Variants in CIRBP observed in about 807,000 individuals in gnomAD.
CIRBP encodes the protein cold inducible RNA binding protein, also known as cold-inducible RNA-binding protein.
In CIRBP, 11 loss-of-function variants were observed where a neutral mutation model predicts 22.3. The observed-to-expected ratio is 0.49, with a 90% CI of 0.31 to 0.82. The LOEUF (loss-of-function observed/expected upper bound fraction) is 0.82, where lower values mean the gene tolerates loss of function less well. Among genes scored for constraint, CIRBP ranks in the 40% least tolerant of loss-of-function variants. The pLI is 0.05. For missense variants in CIRBP, 456 were observed against 402.7 expected, an observed-to-expected ratio of 1.13 and a Z score of -1.13; for synonymous variants, 216 against 158.8, an observed-to-expected ratio of 1.36 and a Z score of -2.71.
chr19:1,271,159 G>A lies in CIRBP; in HGVS notation c.123G>A (p.Arg41=). The change falls in exon 3 of 6, where the codon AGG becomes AGA. Residue 41 remains arginine, a synonymous_variant. Transcript: ENST00000587896. ...GCACAGTGGTGGTTGTGAAAGACAGGGAGACCCAGAGATCTCGGGGATTTG... is the reference window on the plus strand; with the variant it reads ...GCACAGTGGTGGTTGTGAAAGACAGAGAGACCCAGAGATCTCGGGGATTTG... ...QISEVVVVKD[R]ETQRSRGFGF... The A allele has an allele frequency of 6.2e-7, 1 of 1,614,032 alleles. No individual in the cohort carries two copies. The highest frequency in any genetic ancestry group is 8.5e-7 in the Non-Finnish European group (1 of 1,179,992).
At chr19:1,269,739 G>A (rs2081302425) in intron 1 of CIRBP, 1 of 383,790 alleles carries the variant, frequency 2.6e-6, no homozygotes, top group African/African-American at 2.1e-5. Flanking sequence ...CGCGGCGGGG[G>A]CGGGGCCACG....
chr19:1,273,657 C>CT lies in CIRBP; in HGVS notation c.*1215dup, dbSNP rs2081378124. The CT allele has an allele frequency of 1.3e-5, 2 of 152,382 alleles. No homozygotes were observed. Among genetic ancestry groups the CT allele is most frequent in the South Asian group, 2.1e-4 (1 of 4,832 alleles). The allele number at this position is 152,382 out of a possible 1,614,324, so 9.4% of individuals were successfully genotyped here. A position where few individuals can be genotyped will look rare whatever the true frequency, so the allele number is the denominator to read the frequency against. Reference sequence around the variant, plus strand: ...AGTGTTGTGCGCCCAACAGAACCCTCTGAGACGCAAGCTGCTCCCTTGGCT... The same window carrying CT: ...AGTGTTGTGCGCCCAACAGAACCCTCTTGAGACGCAAGCTGCTCCCTTGGCT... On this transcript the variant is annotated 3_prime_UTR_variant, in exon 6 of 6. Coordinates refer to ENST00000587896, the MANE Select transcript of CIRBP (RefSeq NM_001300829.2).
chr19:1,272,312 G>A lies in CIRBP; in HGVS notation c.763G>A (p.Gly255Ser), dbSNP rs1484756365. The change falls in exon 6 of 6, where the codon GGC (glycine) becomes AGC (serine). Residue 255 changes from glycine (G) to serine (S), a missense_variant. Transcript: ENST00000587896. ...GTGTGGCCGCAGGCCAGCCTCCCTCGGCTGTGGGGGGTGGTTGCTCCCCGG... is the reference window on the plus strand; with the variant it reads ...GTGTGGCCGCAGGCCAGCCTCCCTCAGCTGTGGGGGGTGGTTGCTCCCCGG... ...CMCGRRPASL[G>S]CGGWLLPGRR... is the part of the protein sequence containing the mutation. The A allele has an allele frequency of 1.2e-5, 20 of 1,613,714 alleles. No individual in the cohort carries two copies. Among genetic ancestry groups the A allele is most frequent in the East Asian group, 2.2e-5 (1 of 44,886 alleles).
rs980451217 is a variant in CIRBP, at chr19:1,274,119, A to G, written c.*1676A>G. ...CCACATAGCTCCATCCCATACGGGTAGCTGGCTCCAGCTGCGCCAAGGTGC... is the reference window on the plus strand; with the variant it reads ...CCACATAGCTCCATCCCATACGGGTGGCTGGCTCCAGCTGCGCCAAGGTGC... On this transcript the variant is annotated 3_prime_UTR_variant, in exon 6 of 6. Transcript: ENST00000587896. 3 of 390,198 alleles carry G rather than the reference A, an allele frequency of 7.7e-6. No individual in the cohort carries two copies. Among genetic ancestry groups the G allele is most frequent in the East Asian group, 3.6e-5 (1 of 27,572 alleles). 24.2% of individuals were successfully genotyped at this position (390,198 alleles called of 1,614,324 possible).
chr19:1,273,115 T>A lies in CIRBP; in HGVS notation c.*672T>A, dbSNP rs1266534384. 1 of 152,242 alleles carries A rather than the reference T, an allele frequency of 6.6e-6. No individual in the cohort carries two copies. The highest frequency in any genetic ancestry group is 1.5e-5 in the Non-Finnish European group (1 of 68,050). The allele number at this position is 152,242 out of a possible 1,614,324, so 9.4% of individuals were successfully genotyped here. ...GTTGTATTTGCAGTGGCTGAGGAATTCTTGTACGCAGTTTTCTTTGGCTTT... is the reference window on the plus strand; with the variant it reads ...GTTGTATTTGCAGTGGCTGAGGAATACTTGTACGCAGTTTTCTTTGGCTTT... On this transcript the variant is annotated 3_prime_UTR_variant, in exon 6 of 6. Coordinates refer to ENST00000587896, the MANE Select transcript of CIRBP (RefSeq NM_001300829.2).
Position 1,271,165 on chromosome 19 carries a change from C to T in CIRBP, c.129C>T (p.Thr43=). The T allele has an allele frequency of 6.2e-7, 1 of 1,614,042 alleles. No homozygotes were observed. Among genetic ancestry groups the T allele is most frequent in the Non-Finnish European group, 8.5e-7 (1 of 1,180,008 alleles). The change falls in exon 3 of 6, where the codon ACC becomes ACT. Residue 43 remains threonine, a synonymous_variant. Coordinates refer to ENST00000587896, the MANE Select transcript of CIRBP (RefSeq NM_001300829.2). ...SEVVVVKDRE[T]QRSRGFGFVT... ...TGGTGGTTGTGAAAGACAGGGAGACCCAGAGATCTCGGGGATTTGGGTTTG... is the reference window on the plus strand; with the variant it reads ...TGGTGGTTGTGAAAGACAGGGAGACTCAGAGATCTCGGGGATTTGGGTTTG...
At chr19:1,271,719 T>G in intron 5 of CIRBP, 87 bp downstream of exon 5, 2 of 889,800 alleles carry the variant, frequency 2.2e-6, no homozygotes, top group Non-Finnish European at 3.5e-6. Flanking sequence ...GGAGCTGAGA[T>G]GAGACTGGCT....
Position 1,272,275 on chromosome 19 carries a change from A to T in CIRBP, c.726A>T (p.Ser242=). 1 of 1,612,596 alleles carries T rather than the reference A, an allele frequency of 6.2e-7. No individual in the cohort carries two copies. Among genetic ancestry groups the T allele is most frequent in the South Asian group, 1.1e-5 (1 of 91,062 alleles). Residue 242 remains serine (S), a synonymous_variant, in exon 6 of 6, where the codon TCA becomes TCT. Coordinates refer to ENST00000587896, the MANE Select transcript of CIRBP (RefSeq NM_001300829.2). ...GAGAGCGAGGGCCCGCTGGGCAGTC[A>T]GCTAGGTGCATGTGTGGCCGCAGGC... ...GKGERGPAGQ[S]ARCMCGRRPA...
intron 4 of CIRBP, 24 bp from the exon 5 acceptor site, chr19:1,271,527 A>G: frequency 6.3e-7 from 1 of 1,597,116 alleles, no homozygotes; most frequent in Admixed American, 1.7e-5. Flanking sequence ...GGGAGCTGGT[A>G]CTCACTTTTT....
At position 1,272,226 on chromosome 19, in the gene CIRBP, A is replaced by G. The variant is rs964698015; in HGVS notation, c.677A>G (p.Asn226Ser). 3.1e-6 allele frequency: 5 copies of G among 1,598,060 alleles called. No individual in the cohort carries two copies. Among genetic ancestry groups the G allele is most frequent in the East Asian group, 4.5e-5 (2 of 44,646 alleles). Residue 226 changes from asparagine to serine, a missense_variant, in exon 6 of 6, where the codon AAT (asparagine) becomes AGT (serine). By Grantham distance (46) the Asn-to-Ser change is conservative. Around this residue, in one of 2 missense-constraint regions of CIRBP, gnomAD observed 426 missense variants for 339.6 expected, o/e 1.25. Transcript: ENST00000587896. The part of the protein sequence containing the change: ...SHFYRRTQKP[N>S]ETDQKGKGER... ...TTCTATCGCAGGACGCAAAAGCCAA[A>G]TGAGACTGACCAAAAAGGCAAGGGA...
At chr19:1,271,807 G>A (rs1233059797) in intron 5 of CIRBP, 174 bp from the exon 6 acceptor site, 1 of 713,824 alleles carries the variant, frequency 1.4e-6, no homozygotes. Flanking sequence ...AAGCGGGAGG[G>A]CCTGGGGGAC....
rs1390922411 is a variant in CIRBP at position 1,274,487 on chromosome 19, G to A, written c.*2044G>A. On this transcript the variant is annotated 3_prime_UTR_variant, in exon 6 of 6. Transcript: ENST00000587896. ...GGCATGTGGCGCTGAGCCCTGTCCC[G>A]GGCGGCACCTGGGCGTTTCAGTGAG... 1.5e-5 allele frequency: 6 copies of A among 392,024 alleles called. No homozygotes were observed. The highest frequency in any genetic ancestry group is 2.7e-5 in the Non-Finnish European group (6 of 221,248). The allele number at this position is 392,024 out of a possible 1,614,324, so 24.3% of individuals were successfully genotyped here.
intron 1 of CIRBP, 95 bp from the exon 2 acceptor site, chr19:1,270,833 C>T (rs2145526057): frequency 2.4e-6 from 2 of 825,656 alleles, no homozygotes; most frequent in East Asian, 4.9e-5. Context: ...TCTAATATTT[C>T]CCCTAAAAAA....
In CIRBP at chr19:1,272,174, G is replaced by A. The variant is rs1372749758; in HGVS notation, c.625G>A (p.Glu209Lys). The A allele has an allele frequency of 5.0e-6, 8 of 1,603,524 alleles. No homozygotes were observed. The highest frequency in any genetic ancestry group is 4.5e-5 in the East Asian group (2 of 44,694). The change falls in exon 6 of 6, where the codon GAG (glutamate) becomes AAG (lysine). Residue 209 changes from glutamate to lysine, a missense_variant. By Grantham distance (56) the Glu-to-Lys change is moderately conservative. Around this residue, in one of 2 missense-constraint regions of CIRBP, gnomAD observed 426 missense variants for 339.6 expected, o/e 1.25. Coordinates refer to ENST00000587896, the MANE Select transcript of CIRBP (RefSeq NM_001300829.2). ...ACCTTGTCACTGTGCTTGCCCAGAA[G>A]AGGCGCATCTGTCCTCTCAGAGCCA... ...LRPCHCACPE[E>K]AHLSSQSHFY...
Position 1,272,644 on chromosome 19 carries a change from G to C in CIRBP, c.*201G>C, listed in dbSNP as rs1001274601. The C allele has an allele frequency of 1.6e-5, 7 of 446,330 alleles. No individual in the cohort carries two copies. The highest frequency in any genetic ancestry group is 2.8e-5 in the Non-Finnish European group (7 of 249,686). The allele number at this position is 446,330 out of a possible 1,614,324, so 27.6% of individuals were successfully genotyped here. A position where few individuals can be genotyped will look rare whatever the true frequency, so the allele number is the denominator to read the frequency against. ...TTACTAGACTTTTCTTTTTAAGGAA[G>C]TGCTGTTTTTTTTTGAGGGTTTTCA... is the stretch of plus-strand genomic sequence containing the variant. On this transcript the variant is annotated 3_prime_UTR_variant, in exon 6 of 6. Transcript: ENST00000587896.
rs1445061139 is a variant in CIRBP, at chr19:1,273,966, A to ACGC, written c.*1525_*1527dup. 3.6e-5 allele frequency: 8 copies of ACGC among 219,368 alleles called. No homozygotes were observed. Among genetic ancestry groups the ACGC allele is most frequent in the Non-Finnish European group, 6.2e-5 (7 of 112,614 alleles). The allele number at this position is 219,368 out of a possible 1,614,324, so 13.6% of individuals were successfully genotyped here. Reference sequence around the variant, plus strand: ...CTTAAGCAGGATTGAAGACCAGTGAACGCCCCCGCCTTTTGGATTTTTTGC... The same window carrying ACGC: ...CTTAAGCAGGATTGAAGACCAGTGAACGCCGCCCCCGCCTTTTGGATTTTTTGC... On this transcript the variant is annotated 3_prime_UTR_variant, in exon 6 of 6. Coordinates refer to ENST00000587896, the MANE Select transcript of CIRBP (RefSeq NM_001300829.2).
Position 1,273,364 on chromosome 19 carries a change from CGGGCAGCTCAGGCCTCA to C in CIRBP, c.*929_*945del, listed in dbSNP as rs1159800479. ...AGGGGAGCCAGGCGGGGGACGGGAGCGGGCAGCTCAGGCCTCAGGGCAGCCCTGGGAGGCTTCTGGCA... is the reference window on the plus strand; with the variant it reads ...AGGGGAGCCAGGCGGGGGACGGGAGCGGGCAGCCCTGGGAGGCTTCTGGCA... On this transcript the variant is annotated 3_prime_UTR_variant, in exon 6 of 6. Transcript: ENST00000587896. 6.6e-6 allele frequency: 1 copy of C among 152,656 alleles called. No individual in the cohort carries two copies. The highest frequency in any genetic ancestry group is 2.4e-5 in the African/African-American group (1 of 41,442). 9.5% of individuals were successfully genotyped at this position (152,656 alleles called of 1,614,324 possible).
chr19:1,269,729 C>G (rs748706865), intron 1 of CIRBP: 23 of 364,332 alleles, frequency 6.3e-5, no homozygotes, highest in Admixed American at 4.4e-4. Flanking sequence ...CGCATGCGCA[C>G]GCGGCGGGGG....
chr19:1,271,704 C>A, intron 5 of CIRBP, 72 bp downstream of exon 5: 1 of 1,010,414 alleles, frequency 9.9e-7, no homozygotes, highest in South Asian at 1.5e-5. Context: ...TCCCAGGTCC[C>A]TGGGGGAGCT....
Sources: allele counts gnomAD v4.1 joint callset, GRCh38; gene constraint gnomAD v4.1.1; regional missense constraint gnomAD v4.1.1; transcripts MANE v1.5; gene names NCBI Gene and HGNC (gene_info 2026-07-23, HGNC 2026-07-21).